ANKRD54: variants seen among roughly 807,000 people sequenced by gnomAD.
ANKRD54 encodes ankyrin repeat domain-containing protein 54.
Under a neutral mutation model 36.2 loss-of-function variants are expected in ANKRD54, and 26 were observed. The observed-to-expected ratio is 0.72, with a 90% CI of 0.53 to 1.00. The LOEUF (loss-of-function observed/expected upper bound fraction) is 1.00. Among genes scored for constraint, ANKRD54 ranks in the 50% least tolerant of loss-of-function variants. The pLI is 0.00. For missense variants in ANKRD54, 384 were observed against 424.3 expected (o/e 0.91, Z 0.83); for synonymous variants, 209 against 188.4 (o/e 1.11, Z -0.89).
intron 1 of ANKRD54, among the ~76,000 whole-genome samples, chr22:37,842,385 T>C (rs1225844748): frequency 1.3e-5 from 2 of 152,234 alleles, no homozygotes; most frequent in African/African-American, 2.4e-5. Flanking sequence ...CTATCACTTG[T>C]AGTCACAGGG....
chr22:37,841,356 T>C (rs760794143), intron 1 of ANKRD54, among the ~76,000 whole-genome samples: 25 of 152,004 alleles, frequency 1.6e-4, no homozygotes, highest in Non-Finnish European at 1.5e-4. Context: ...TGAAACCTTG[T>C]CTATACTAAA....
Position 37,838,528 on chromosome 22 carries a change from A to G in ANKRD54, c.447T>C (p.Phe149=). ...ADDKGRTALH[F]ASCNGNDQIV... ...TCTGGTCATTGCCATTGCATGAGGC[A>G]AAGTGTAGAGCTGTGCGGCCCTTGT... is the stretch of plus-strand genomic sequence containing the variant. The change falls in exon 3 of 8, where the codon TTT becomes TTC. Residue 149 remains phenylalanine (F), a synonymous_variant. Coordinates refer to ENST00000215941, the MANE Select transcript of ANKRD54 (RefSeq NM_138797.4). The G allele has an allele frequency of 6.2e-7, 1 of 1,612,748 alleles. No homozygotes were observed. Among genetic ancestry groups the G allele is most frequent in the Admixed American group, 1.7e-5 (1 of 59,920 alleles).
chr22:37,841,441 G>A (rs528432084), intron 1 of ANKRD54, among the ~76,000 whole-genome samples: 5 of 150,490 alleles, frequency 3.3e-5, no homozygotes, highest in East Asian at 2.0e-4. Flanking sequence ...CAGGAGAATC[G>A]CTTAAGCCCA....
chr22:37,845,695 C>G (rs202208505), upstream of ANKRD54, among the ~76,000 whole-genome samples: 3 of 152,160 alleles, frequency 2.0e-5, no homozygotes, highest in East Asian at 5.8e-4. Flanking sequence ...ATGATGAAAC[C>G]TCGTTTCTAC....
intron 1 of ANKRD54, among the ~76,000 whole-genome samples, chr22:37,840,634 C>T (rs1924116090): frequency 6.6e-6 from 1 of 151,472 alleles, no homozygotes; most frequent in Non-Finnish European, 1.5e-5. Context: ...GTCTGTAATC[C>T]CAGCACTTTG....
At chr22:37,843,656 G>T (rs374952409) in intron 1 of ANKRD54, 1 of 266,736 alleles carries the variant, frequency 3.7e-6, no homozygotes. Flanking sequence ...CGAGTCATGG[G>T]AAGTTTCCAT....
intron 3 of ANKRD54, among the ~76,000 whole-genome samples, chr22:37,836,682 C>G (rs1446143861): frequency 1.3e-5 from 2 of 151,566 alleles, no homozygotes; most frequent in African/African-American, 2.4e-5. Context: ...CACAGGTGTA[C>G]CTATGTAACG....
intron 1 of ANKRD54, among the ~76,000 whole-genome samples, chr22:37,841,573 G>C (rs1005958806): frequency 4.0e-5 from 6 of 148,868 alleles, no homozygotes; most frequent in Non-Finnish European, 7.4e-5. Context: ...ACATAGGCCG[G>C]GCACAGTGGC....
chr22:37,843,982 A>G lies in ANKRD54; in HGVS notation c.257T>C (p.Ile86Thr). 1 of 1,420,258 alleles carries G rather than the reference A, an allele frequency of 7.0e-7. No homozygotes were observed. Among genetic ancestry groups the G allele is most frequent in the Non-Finnish European group, 9.2e-7 (1 of 1,090,050 alleles). 88.0% of individuals were successfully genotyped at this position (1,420,258 alleles called of 1,614,324 possible). A position where few individuals can be genotyped will look rare whatever the true frequency, so the allele number is the denominator to read the frequency against. ...AEPRDELRCK[I>T]PAGRLRRAAR... ...AGCGCGCCTCAGCCGGCCAGCGGGT[A>G]TCTTGCAGCGCAGCTCGTCGCGCGG... Residue 86 changes from isoleucine to threonine, a missense_variant, in exon 1 of 8, where the codon ATA (isoleucine) becomes ACA (threonine). Coordinates refer to ENST00000215941, the MANE Select transcript of ANKRD54 (RefSeq NM_138797.4).
Position 37,833,065 on chromosome 22 carries a change from G to A in ANKRD54, c.613C>T (p.Leu205=), listed in dbSNP as rs1257546535. 6.2e-7 allele frequency: 1 copy of A among 1,613,922 alleles called. No homozygotes were observed. The highest frequency in any genetic ancestry group is 1.1e-5 in the South Asian group (1 of 91,068). The change falls in exon 6 of 8, where the codon CTG becomes TTG. Residue 205 remains leucine (L), a synonymous_variant. Coordinates refer to ENST00000215941, the MANE Select transcript of ANKRD54 (RefSeq NM_138797.4). ...AGGGGTGTGCGACCAGCTCGGTCCA[G>A]GGCATCTACACGGGCCCCTGCAGGT... is the stretch of plus-strand genomic sequence containing the variant. ...LLRGGARVDA[L]DRAGRTPLHL... is the part of the protein sequence containing the mutation.
chr22:37,840,150 A>G (rs1480151464), intron 2 of ANKRD54, 37 bp downstream of exon 2: 2 of 1,613,568 alleles, frequency 1.2e-6, no homozygotes, highest in Non-Finnish European at 8.5e-7. Context: ...CAACCAGCCC[A>G]TGGGACCCTG....
intron 3 of ANKRD54, among the ~76,000 whole-genome samples, chr22:37,835,371 A>C (rs1923391948): frequency 6.6e-6 from 1 of 152,128 alleles, no homozygotes; most frequent in Admixed American, 6.5e-5. Context: ...CAAATAAATA[A>C]ATAAATAAAT....
In ANKRD54 at chr22:37,833,774, A is replaced by C; in HGVS notation, c.476-19T>G. On this transcript the variant is annotated intron_variant, in intron 3 of 7. Transcript: ENST00000215941. ...AGCTGCACTGGAAACAGGCAAACCC[A>C]AGAGGAGTTGTCGGAGGCTTCCATT... 6.2e-7 allele frequency: 1 copy of C among 1,612,762 alleles called. No homozygotes were observed. Among genetic ancestry groups the C allele is most frequent in the Non-Finnish European group, 8.5e-7 (1 of 1,179,010 alleles).
At chr22:37,843,884 G>A (rs933458571) in intron 1 of ANKRD54, 27 bp downstream of exon 1, 2 of 1,205,160 alleles carry the variant, frequency 1.7e-6, no homozygotes, top group Non-Finnish European at 1.0e-6. Flanking sequence ...CCCCGCCCCG[G>A]GCCCCCGCGC....
upstream of ANKRD54, among the ~76,000 whole-genome samples, chr22:37,844,687 A>C (rs1339649134): frequency 6.6e-6 from 1 of 151,938 alleles, no homozygotes; most frequent in East Asian, 1.9e-4. Context: ...CTCCTGCCTC[A>C]GCCTCCCGAG....
At chr22:37,847,905 G>A, upstream of ANKRD54, 1 of 265,816 alleles carries the variant, frequency 3.8e-6, no homozygotes, top group Non-Finnish European at 8.1e-6. Context: ...TTGAGTGGAT[G>A]GCATCAGAGC....
At chr22:37,846,311 G>A (rs1054223951), upstream of ANKRD54, among the ~76,000 whole-genome samples, 9 of 151,944 alleles carry the variant, frequency 5.9e-5, no homozygotes, top group East Asian at 3.9e-4. Context: ...TACTCTCCTC[G>A]TCTGCCCCAT....
intron 7 of ANKRD54, 90 bp downstream of exon 7, chr22:37,832,547 T>C: frequency 8.1e-7 from 1 of 1,236,820 alleles, no homozygotes; most frequent in Middle Eastern, 2.4e-4. Flanking sequence ...AGCCTCTTTC[T>C]GATACGAGTG....
chr22:37,836,065 A>G (rs1264977718), intron 3 of ANKRD54, among the ~76,000 whole-genome samples: 1 of 151,416 alleles, frequency 6.6e-6, no homozygotes, highest in African/African-American at 2.4e-5. Context: ...CGATCTCCTG[A>G]CCTCATGATC....
Sources: allele counts gnomAD v4.1 joint callset (sites outside exome capture counted in the v4.1 genomes callset), GRCh38; gene constraint gnomAD v4.1.1; transcripts MANE v1.5; gene names NCBI Gene and HGNC (gene_info 2026-07-23, HGNC 2026-07-21).